ATP10B: variants seen among roughly 807,000 people sequenced by gnomAD.
The protein encoded by ATP10B is ATPase phospholipid transporting 10B (putative), also known as phospholipid-transporting ATPase VB.
ATP10B carries 122 observed loss-of-function variants against 141.2 expected under a neutral mutation model. The ratio of observed to expected loss-of-function variants is 0.86; its 90% CI spans 0.75 to 1.00. The LOEUF (loss-of-function observed/expected upper bound fraction) is 1.00. Ranked by LOEUF, ATP10B falls within the 50% of genes least tolerant of loss-of-function variation. The probability of loss-of-function intolerance (pLI) is 0.00; values close to 1 mark genes in which losing one functional copy is unlikely to be tolerated. For missense variants in ATP10B, 1,876 were observed against 1,825.3 expected, an observed-to-expected ratio of 1.03 and a Z score of -0.51; for synonymous variants, 685 against 692.0, an observed-to-expected ratio of 0.99 and a Z score of 0.16.
At chr5:160,766,395 A>T (rs1451444829) in intron 2 of ATP10B, among the ~76,000 whole-genome samples, 1 of 133,174 alleles carries the variant, frequency 7.5e-6, no homozygotes, top group Non-Finnish European at 1.7e-5. Flanking sequence ...GACACTCACC[A>T]TGGAATACTA....
intron 6 of ATP10B, among the ~76,000 whole-genome samples, chr5:160,678,262 T>C (rs1182273290): frequency 6.6e-6 from 1 of 152,176 alleles, no homozygotes; most frequent in African/African-American, 2.4e-5. Flanking sequence ...ACTATAGAAC[T>C]AGCAATTCCA....
At chr5:160,569,857 A>G (rs940187405) in intron 24 of ATP10B, among the ~76,000 whole-genome samples, 174 bp from the exon 25 acceptor site, 2 of 152,200 alleles carry the variant, frequency 1.3e-5, no homozygotes, top group African/African-American at 2.4e-5. Flanking sequence ...GATTGCTGCC[A>G]TGTAGAATTG....
At chr5:160,821,857 A>T (rs1344033602) in intron 1 of ATP10B, among the ~76,000 whole-genome samples, 1 of 152,184 alleles carries the variant, frequency 6.6e-6, no homozygotes, top group Non-Finnish European at 1.5e-5. Context: ...TACAAAAATC[A>T]AATAAAAATG....
chr5:160,812,057 A>AGAGAGAGAGAGAGAGAGAGAGG (rs1561880171), intron 1 of ATP10B, among the ~76,000 whole-genome samples: 1 of 146,458 alleles, frequency 6.8e-6, no homozygotes, highest in Non-Finnish European at 1.5e-5. Flanking sequence ...AGAGAGAGAG[A>AGAGAGAGAGAGAGAGAGAGAGG]GAGGGAGAGG....
At chr5:160,840,713 A>G (rs908230798) in intron 1 of ATP10B, among the ~76,000 whole-genome samples, 3 of 152,172 alleles carry the variant, frequency 2.0e-5, no homozygotes, top group African/African-American at 7.2e-5. Context: ...TGGCAAAAAT[A>G]CCAGAAGCAA....
At chr5:160,874,593 A>G in the ATP10B span, among the ~76,000 whole-genome samples, 1 of 152,320 alleles carries the variant, frequency 6.6e-6, no homozygotes, top group African/African-American at 2.4e-5. Context: ...TCTGAGCTAC[A>G]GGAGGACATT....
intron 1 of ATP10B, among the ~76,000 whole-genome samples, chr5:160,820,630 A>G (rs950853219): frequency 8.7e-6 from 1 of 114,298 alleles, no homozygotes; most frequent in Non-Finnish European, 1.9e-5. Context: ...AATATTGATG[A>G]AAAAATCCTC....
intron 6 of ATP10B, among the ~76,000 whole-genome samples, chr5:160,675,656 C>T (rs1156394670): frequency 6.6e-6 from 1 of 152,032 alleles, no homozygotes; most frequent in African/African-American, 2.4e-5. Context: ...AATGCCAGGC[C>T]CAGAATGCTC....
intron 2 of ATP10B, among the ~76,000 whole-genome samples, chr5:160,775,447 A>G (rs144886145): frequency 6.6e-6 from 1 of 152,290 alleles, no homozygotes; most frequent in African/African-American, 2.4e-5. Flanking sequence ...GAGGATTACT[A>G]TAGGAGCATA....
At chr5:160,802,942 G>C (rs1561870109) in intron 1 of ATP10B, among the ~76,000 whole-genome samples, 1 of 152,112 alleles carries the variant, frequency 6.6e-6, no homozygotes, top group Non-Finnish European at 1.5e-5. Context: ...GGAGATAATT[G>C]GGGGACAACA....
chr5:160,653,411 ATAGG>A lies in ATP10B; in HGVS notation c.676-4159_676-4156del, dbSNP rs1344893206. Among the ~76,000 whole-genome samples the A allele has an allele frequency of 1.6e-3, 37 of 23,012 alleles. 4 individuals carry two copies. Among genetic ancestry groups the A allele is most frequent in the African/African-American group, 5.4e-3 (37 of 6,862 alleles). 15.1% of individuals were successfully genotyped at this position (23,012 alleles called of 152,430 possible). On this transcript the variant is annotated intron_variant, in intron 7 of 25. Coordinates refer to ENST00000327245, the MANE Select transcript of ATP10B (RefSeq NM_025153.3). ...TATATATACATACGTACATACATACATAGGTAGTATATATACATATGTACATACA... is the reference window on the plus strand; with the variant it reads ...TATATATACATACGTACATACATACATAGTATATATACATATGTACATACA...
At position 160,643,535 on chromosome 5, in the gene ATP10B, C is replaced by T. The variant is rs576472815; in HGVS notation, c.868+603G>A. Among the ~76,000 whole-genome samples the T allele has an allele frequency of 8.3e-4, 127 of 152,266 alleles. 1 individual carries two copies. Among genetic ancestry groups the T allele is most frequent in the Non-Finnish European group, 1.5e-3 (105 of 68,028 alleles). On this transcript the variant is annotated intron_variant, in intron 9 of 25. Coordinates refer to ENST00000327245, the MANE Select transcript of ATP10B (RefSeq NM_025153.3). ...AGACTTTAGATTCCATTGTGAGAAG[C>T]GCTGCTATTATCTTTTTTCATTGGA...
intron 17 of ATP10B, among the ~76,000 whole-genome samples, chr5:160,613,643 A>T (rs1757848836): frequency 6.6e-6 from 1 of 152,234 alleles, no homozygotes; most frequent in Non-Finnish European, 1.5e-5. Context: ...TAGGAATAGA[A>T]GTGGAAAGAC....
the ATP10B span, among the ~76,000 whole-genome samples, chr5:160,910,626 A>G: frequency 2.0e-5 from 3 of 152,228 alleles, no homozygotes; most frequent in Admixed American, 2.0e-4. Flanking sequence ...ATTGTATTTC[A>G]TCACCAAGAC....
At chr5:160,811,330 T>C (rs946445372) in intron 1 of ATP10B, among the ~76,000 whole-genome samples, 1 of 152,112 alleles carries the variant, frequency 6.6e-6, no homozygotes, top group Non-Finnish European at 1.5e-5. Flanking sequence ...TCTTGCACCT[T>C]ATGTACCAGC....
At chr5:160,862,436 T>G in the ATP10B span, among the ~76,000 whole-genome samples, 1 of 151,926 alleles carries the variant, frequency 6.6e-6, no homozygotes, top group African/African-American at 2.4e-5. Flanking sequence ...GTCTCCATAA[T>G]CACATAAGTC....
At chr5:160,825,477 C>G (rs10065825) in intron 1 of ATP10B, among the ~76,000 whole-genome samples, 4,230 of 152,296 alleles carry the variant, frequency 0.028, 207 homozygotes, top group African/African-American at 0.094. Context: ...CTTCCACCAA[C>G]ATTGTGAGGC....
At chr5:160,738,718 T>C (rs1767281019) in intron 2 of ATP10B, among the ~76,000 whole-genome samples, 1 of 152,140 alleles carries the variant, frequency 6.6e-6, no homozygotes, top group Non-Finnish European at 1.5e-5. Context: ...AATAATCCTT[T>C]GTCAATTAAA....
At chr5:160,761,376 C>T (rs1581481326) in intron 2 of ATP10B, among the ~76,000 whole-genome samples, 1 of 151,872 alleles carries the variant, frequency 6.6e-6, no homozygotes, top group Admixed American at 6.6e-5. Flanking sequence ...TCACAGGACT[C>T]TTTGTAGACA....
Sources: gnomAD v4.1 joint callset for allele counts (sites outside exome capture counted in the v4.1 genomes callset) on GRCh38, gnomAD v4.1.1 for gene constraint, MANE v1.5 for transcripts, NCBI Gene and HGNC (gene_info 2026-07-23, HGNC 2026-07-21) for gene names.